The following TEKT5 variants were observed in gnomAD, a reference collection of about 807,000 sequenced individuals.
TEKT5 encodes the protein tektin 5.
Under a neutral mutation model 48.7 loss-of-function variants are expected in TEKT5, and 52 were observed. That is an observed-to-expected ratio of 1.07 (90% CI 0.86 to 1.35). TEKT5 has a LOEUF of 1.35. TEKT5 is among the 40% of genes most tolerant of loss of function. The pLI is 0.00. For missense variants in TEKT5, 831 were observed against 641.6 expected (o/e 1.30, Z -3.19); for synonymous variants, 318 against 267.6 (o/e 1.19, Z -1.84).
At chr16:10,677,172 CACA>C (rs1470745206) in intron 4 of TEKT5, among the ~76,000 whole-genome samples, 2 of 152,136 alleles carry the variant, frequency 1.3e-5, no homozygotes, top group Admixed American at 1.3e-4. Flanking sequence ...GCCTGGGCAA[CACA>C]ACAAGACCCT....
intron 4 of TEKT5, among the ~76,000 whole-genome samples, chr16:10,680,607 C>T (rs1039332388): frequency 7.9e-5 from 12 of 151,884 alleles, no homozygotes; most frequent in Admixed American, 3.9e-4. Context: ...TTGGAGCCAA[C>T]CCAAATGTCC....
intron 1 of TEKT5, among the ~76,000 whole-genome samples, chr16:10,693,962 T>G (rs1170913237): frequency 1.3e-5 from 2 of 152,170 alleles, no homozygotes; most frequent in Non-Finnish European, 2.9e-5. Flanking sequence ...AGAGGGAGAC[T>G]CTGTGTAAAA....
intron 5 of TEKT5, among the ~76,000 whole-genome samples, chr16:10,653,823 G>A (rs961062202): frequency 7.9e-5 from 12 of 152,306 alleles, no homozygotes; most frequent in African/African-American, 2.4e-4. Flanking sequence ...TGAGGCAGGA[G>A]AGTCACTTGA....
chr16:10,689,687 C>T (rs374888894), intron 2 of TEKT5, among the ~76,000 whole-genome samples: 327 of 152,216 alleles, frequency 2.1e-3, no homozygotes, highest in South Asian at 3.9e-3. Flanking sequence ...GCTCAATAAA[C>T]GCTAGCTTTT....
intron 1 of TEKT5, among the ~76,000 whole-genome samples, chr16:10,693,425 T>C (rs551003416): frequency 2.0e-5 from 3 of 152,350 alleles, no homozygotes; most frequent in South Asian, 2.1e-4. Context: ...TTATTCAGCA[T>C]GTATTTATTG....
intron 5 of TEKT5, among the ~76,000 whole-genome samples, chr16:10,664,159 C>G (rs867870321): frequency 6.6e-6 from 1 of 152,186 alleles, no homozygotes; most frequent in Non-Finnish European, 1.5e-5. Context: ...ATTTCCCCCT[C>G]TAGAATGTAA....
chr16:10,645,902 T>A (rs1448556947), intron 5 of TEKT5, among the ~76,000 whole-genome samples: 4 of 151,834 alleles, frequency 2.6e-5, no homozygotes, highest in Non-Finnish European at 4.4e-5. Context: ...GGCACTGAGG[T>A]GGGAGGATCG....
intron 5 of TEKT5, among the ~76,000 whole-genome samples, chr16:10,674,237 G>C (rs181391013): frequency 6.9e-6 from 1 of 145,078 alleles, no homozygotes; most frequent in Non-Finnish European, 1.5e-5. Context: ...CGGTGGCAAC[G>C]TCCCCTGCTT....
chr16:10,687,668 G>T (rs1481635564), intron 3 of TEKT5, among the ~76,000 whole-genome samples: 2 of 152,242 alleles, frequency 1.3e-5, no homozygotes, highest in Non-Finnish European at 2.9e-5. Context: ...CAGGAGAAAC[G>T]CATGAATCTG....
At position 10,676,178 on chromosome 16, in the gene TEKT5, G is replaced by A; in HGVS notation, c.867C>T (p.Ile289=). ...ACTTGGCCCAGGTCTCAGGTACGGA[G>A]ATCCTGCAAAGGCACAAGGGTGAGT... ...FHGMEKIDGT[I]SVPETWAKFS... is the part of the protein sequence containing the mutation. Residue 289 remains isoleucine (I), a synonymous_variant, in exon 5 of 7, where the codon ATC becomes ATT. Transcript: ENST00000283025. 11 of 1,614,186 alleles carry A rather than the reference G, an allele frequency of 6.8e-6. No homozygotes were observed. The highest frequency in any genetic ancestry group is 7.6e-6 in the Non-Finnish European group (9 of 1,180,026).
rs529988349 is a variant in TEKT5, at chr16:10,694,657, G to A, written c.217C>T (p.Arg73Trp). ...AGTGTGGGCAGGATGGTGGGCGGCC[G>A]CAGGGTACTGGTGCTCTCGTCCGGG... ...TCPDESTSTL[R>W]PPTILPTLRS... Residue 73 changes from arginine (R) to tryptophan (W), a missense_variant, in exon 1 of 7, where the codon CGG (arginine) becomes TGG (tryptophan). Transcript: ENST00000283025. 33 of 1,612,870 alleles carry A rather than the reference G, an allele frequency of 2.0e-5. No homozygotes were observed. The highest frequency in any genetic ancestry group is 1.6e-4 in the African/African-American group (12 of 75,044).
chr16:10,674,170 C>A (rs1898599881), intron 5 of TEKT5, among the ~76,000 whole-genome samples: 1 of 152,008 alleles, frequency 6.6e-6, no homozygotes, highest in South Asian at 2.1e-4. Flanking sequence ...TTGCTGCTCT[C>A]TCCGGAATCC....
intron 5 of TEKT5, among the ~76,000 whole-genome samples, chr16:10,637,527 A>T (rs1053783962): frequency 9.2e-5 from 14 of 152,164 alleles, no homozygotes; most frequent in African/African-American, 2.9e-4. Context: ...CTGTCAAGAT[A>T]TTTTTCCCAA....
intron 5 of TEKT5, among the ~76,000 whole-genome samples, chr16:10,640,830 C>T (rs1897984559): frequency 6.6e-6 from 1 of 152,178 alleles, no homozygotes; most frequent in Admixed American, 6.6e-5. Flanking sequence ...TTTCATTGCA[C>T]AATATTCCAC....
chr16:10,693,843 A>T (rs1899024203), intron 1 of TEKT5, among the ~76,000 whole-genome samples: 1 of 152,114 alleles, frequency 6.6e-6, no homozygotes, highest in Admixed American at 6.5e-5. Flanking sequence ...GGTGGCGGGC[A>T]CCTGTAATCC....
intron 5 of TEKT5, among the ~76,000 whole-genome samples, chr16:10,653,798 A>C (rs1596406644): frequency 6.6e-6 from 1 of 152,190 alleles, no homozygotes; most frequent in African/African-American, 2.4e-5. Context: ...CTGTAATCTC[A>C]GCTATTTGGG....
chr16:10,642,967 C>T (rs549675189), intron 5 of TEKT5, among the ~76,000 whole-genome samples: 25 of 152,210 alleles, frequency 1.6e-4, no homozygotes, highest in South Asian at 8.3e-4. Context: ...AGCTAGAAGG[C>T]GGATAGTGGA....
chr16:10,676,771 T>C (rs1275854713), intron 4 of TEKT5, among the ~76,000 whole-genome samples: 1 of 152,212 alleles, frequency 6.6e-6, no homozygotes, highest in Non-Finnish European at 1.5e-5. Context: ...TCCAGGCAGT[T>C]AGGAGAGAGC....
rs530574802 is a variant in TEKT5, at chr16:10,629,481, G to A, written c.1242-1682C>T. 5.5e-4 allele frequency among the ~76,000 whole-genome samples: 83 copies of A among 152,212 alleles called. 1 individual carries two copies. The highest frequency in any genetic ancestry group is 3.0e-3 in the Admixed American group (46 of 15,286). ...GCTCAGGCTGGTCTCGAACTCCTAA[G>A]CTCAGGCAATCCGCCAGTCTCAGCC... On this transcript the variant is annotated intron_variant, in intron 6 of 6. Transcript: ENST00000283025.
Sources: gnomAD v4.1 joint callset for allele counts (sites outside exome capture counted in the v4.1 genomes callset) on GRCh38, gnomAD v4.1.1 for gene constraint, MANE v1.5 for transcripts, NCBI Gene and HGNC (gene_info 2026-07-23, HGNC 2026-07-21) for gene names.